Variants in PUM1 observed in about 807,000 individuals in gnomAD.
PUM1 encodes the protein pumilio homolog 1.
A neutral mutation model predicts 131.8 loss-of-function variants in PUM1; 13 were observed. That is an observed-to-expected ratio of 0.10 (90% CI 0.06 to 0.16). PUM1 has a LOEUF of 0.16. PUM1 is among the 10% of genes least tolerant of loss of function. PUM1 has a pLI of 1.00. For missense variants in PUM1, 961 were observed against 1,512.4 expected, an observed-to-expected ratio of 0.64 and a Z score of 6.05; for synonymous variants, 509 against 556.5, an observed-to-expected ratio of 0.91 and a Z score of 1.20.
At position 30,967,240 on chromosome 1, in the gene PUM1, T is replaced by C; in HGVS notation, c.1716A>G (p.Arg572=). ...TGALVVNAGA[R]NGLGAPVRLV... ...GTCGAACAGGAGCTCCAAGACCATT[T>C]CTCGCGCCTGCATTCACTACAAGGG... The change falls in exon 12 of 22, where the codon AGA becomes AGG. Residue 572 remains arginine (R), a synonymous_variant. Transcript: ENST00000426105. 6.2e-7 allele frequency: 1 copy of C among 1,614,068 alleles called. No homozygotes were observed. Among genetic ancestry groups the C allele is most frequent in the Non-Finnish European group, 8.5e-7 (1 of 1,179,986 alleles).
intron 5 of PUM1, among the ~76,000 whole-genome samples, chr1:30,995,925 C>T (rs1326310897): frequency 6.6e-6 from 1 of 152,194 alleles, no homozygotes; most frequent in Non-Finnish European, 1.5e-5. Flanking sequence ...TAACTATCTT[C>T]TACCATCTAC....
intron 17 of PUM1, 107 bp downstream of exon 17, chr1:30,950,020 A>T (rs2124408691): frequency 7.5e-7 from 1 of 1,329,828 alleles, no homozygotes; most frequent in South Asian, 1.6e-5. Flanking sequence ...ATAAGCAACA[A>T]TGCAAAACCA....
chr1:30,999,817 TATA>T, intron 5 of PUM1, among the ~76,000 whole-genome samples: 1 of 152,256 alleles, frequency 6.6e-6, no homozygotes, highest in Middle Eastern at 3.4e-3. Context: ...ACAAATGTAA[TATA>T]ATAGTAATAA....
chr1:30,945,535 A>G, intron 17 of PUM1, 52 bp from the exon 18 acceptor site: 1 of 1,596,246 alleles, frequency 6.3e-7, no homozygotes, highest in Non-Finnish European at 8.6e-7. Context: ...AAACATGTGG[A>G]CAAATAATAT....
chr1:31,034,516 C>T (rs57727590), intron 2 of PUM1, among the ~76,000 whole-genome samples: 30,033 of 151,852 alleles, frequency 0.2, 3,375 homozygotes, highest in East Asian at 0.53. Flanking sequence ...GGCTAATTGA[C>T]GTATAAGCAA....
chr1:30,941,829 T>A, intron 19 of PUM1, 169 bp downstream of exon 19: 1 of 710,020 alleles, frequency 1.4e-6, no homozygotes, highest in East Asian at 4.2e-5. Context: ...TCACTACCCA[T>A]ATTCATAAAA....
intron 9 of PUM1, 104 bp downstream of exon 9, chr1:30,979,958 C>T: frequency 2.7e-6 from 2 of 754,656 alleles, no homozygotes; most frequent in Non-Finnish European, 4.2e-6. Flanking sequence ...TCTGGATAAT[C>T]TCCACTGGAG....
intron 1 of PUM1, among the ~76,000 whole-genome samples, 175 bp downstream of exon 1, chr1:31,065,441 C>G (rs1441694792): frequency 6.6e-6 from 1 of 151,260 alleles, no homozygotes; most frequent in Non-Finnish European, 1.5e-5. Flanking sequence ...GGCCTTGCTG[C>G]TGACTCCAAA....
intron 3 of PUM1, 146 bp downstream of exon 3, chr1:31,028,650 C>T (rs1246471382): frequency 2.7e-6 from 2 of 735,614 alleles, no homozygotes; most frequent in Admixed American, 4.5e-5. Flanking sequence ...GCAAAATTCT[C>T]CAGCATCCCG....
chr1:30,968,500 A>G lies in PUM1; in HGVS notation c.1507-8T>C. 1.3e-6 allele frequency: 2 copies of G among 1,589,744 alleles called. No individual in the cohort carries two copies. The highest frequency in any genetic ancestry group is 1.2e-5 in the South Asian group (1 of 86,134). On this transcript the variant is annotated splice_region_variant and splice_polypyrimidine_tract_variant and intron_variant, in intron 10 of 21. Coordinates refer to ENST00000426105, the MANE Select transcript of PUM1 (RefSeq NM_001020658.2). ...GGCTCCTCCACGGAGAACCTGGGAA[A>G]GGAAGACAGAAATAACTCAACCACT...
chr1:30,973,565 G>A (rs1314018912), intron 10 of PUM1, among the ~76,000 whole-genome samples: 3 of 152,012 alleles, frequency 2.0e-5, no homozygotes, highest in African/African-American at 7.2e-5. Flanking sequence ...ATCGTTTGGT[G>A]GATTTAAATG....
rs1424426256 is a variant in PUM1 at position 30,967,194 on chromosome 1, T to C, written c.1762A>G (p.Ile588Val). 1.9e-6 allele frequency: 3 copies of C among 1,614,060 alleles called. No individual in the cohort carries two copies. Among genetic ancestry groups the C allele is most frequent in the African/African-American group, 2.7e-5 (2 of 74,930 alleles). ...GCTTGTGCAGCTGAGGAACTAATGA[T>C]GACTGGGGCAGGAGCTACAAGTCGA... ...PVRLVAPAPV[I>V]ISSSAAQAAV... is the part of the protein sequence containing the mutation. Residue 588 changes from isoleucine to valine, a missense_variant, in exon 12 of 22, where the codon ATC becomes GTC. Ile to Val is a conservative substitution (Grantham distance 29). This residue lies in a region of PUM1 where 654 missense variants were observed against 923.9 expected (regional missense o/e 0.71). Coordinates refer to ENST00000426105, the MANE Select transcript of PUM1 (RefSeq NM_001020658.2).
intron 14 of PUM1, among the ~76,000 whole-genome samples, chr1:30,957,517 T>TATGAGAATAAGG (rs2124424891): frequency 6.6e-6 from 1 of 152,362 alleles, no homozygotes; most frequent in African/African-American, 2.4e-5. Context: ...AAGAAACATT[T>TATGAGAATAAGG]CTCATAAGGC....
intron 1 of PUM1, among the ~76,000 whole-genome samples, chr1:31,062,160 C>G: frequency 6.6e-6 from 1 of 152,158 alleles, no homozygotes. Flanking sequence ...TTCTACTAAC[C>G]CCTTGCAGGA....
At chr1:30,983,904 A>G (rs984691824) in intron 7 of PUM1, among the ~76,000 whole-genome samples, 1 of 151,918 alleles carries the variant, frequency 6.6e-6, no homozygotes, top group Non-Finnish European at 1.5e-5. Context: ...CACCTGGGCT[A>G]TATATTTTTT....
Position 31,055,941 on chromosome 1 carries a change from T to A in PUM1, c.363+3263A>T, listed in dbSNP as rs116287857. ...AACAAAAGATCTTATAGATCTTTAT[T>A]ACAGATTTTAAAAAACCAATGTTTA... On this transcript the variant is annotated intron_variant, in intron 2 of 21. Transcript: ENST00000426105. Among the ~76,000 whole-genome samples, 165 of 152,318 alleles carry A rather than the reference T, an allele frequency of 1.1e-3. 1 individual carries two copies. The highest frequency in any genetic ancestry group is 3.5e-3 in the African/African-American group (147 of 41,560).
chr1:30,975,983 A>C (rs1286386870), intron 9 of PUM1, among the ~76,000 whole-genome samples: 1 of 151,682 alleles, frequency 6.6e-6, no homozygotes, highest in African/African-American at 2.4e-5. Flanking sequence ...AGCTACTCGG[A>C]AGGCTGAGGC....
intron 18 of PUM1, among the ~76,000 whole-genome samples, chr1:30,945,075 A>C (rs1639613481): frequency 6.6e-6 from 1 of 152,016 alleles, no homozygotes; most frequent in Admixed American, 6.6e-5. Flanking sequence ...CTCTACAAAA[A>C]ATTTAAAAAT....
intron 3 of PUM1, among the ~76,000 whole-genome samples, chr1:31,015,455 C>T (rs374908943): frequency 1.3e-5 from 2 of 151,820 alleles, no homozygotes; most frequent in African/African-American, 2.4e-5. Context: ...CATTCTCCTG[C>T]CTCAGCTTCC....
Sources: gnomAD v4.1 joint callset for allele counts (sites outside exome capture counted in the v4.1 genomes callset) on GRCh38, gnomAD v4.1.1 for gene constraint, gnomAD v4.1.1 regional missense constraint, MANE v1.5 for transcripts, NCBI Gene and HGNC (gene_info 2026-07-23, HGNC 2026-07-21) for gene names.